Variants in BIRC3 observed in about 807,000 individuals in gnomAD.
BIRC3 encodes baculoviral IAP repeat-containing protein 3.
A neutral mutation model predicts 59.0 loss-of-function variants in BIRC3; 26 were observed. That is an observed-to-expected ratio of 0.44 (90% CI 0.32 to 0.61). The LOEUF (loss-of-function observed/expected upper bound fraction) is 0.61, where lower values mean the gene tolerates loss of function less well. Ranked by LOEUF, BIRC3 falls within the 20% of genes least tolerant of loss-of-function variation. BIRC3 has a pLI of 0.04. For synonymous variants in BIRC3, 243 were observed against 249.2 expected (o/e 0.98, Z 0.24); for missense variants, 641 against 711.5 (o/e 0.90, Z 1.13).
At chr11:102,318,102 A>G (rs574753088) in intron 1 of BIRC3, among the ~76,000 whole-genome samples, 24 of 152,324 alleles carry the variant, frequency 1.6e-4, no homozygotes, top group Admixed American at 5.9e-4. Context: ...CGTAACAATA[A>G]TATTAAATAT....
rs888508432 is a variant in BIRC3, at chr11:102,322,479, G to A, written c.-2031G>A. On this transcript the variant is annotated 5_prime_UTR_variant, in exon 2 of 9. Transcript: ENST00000263464. ...AAGTTTGTTTAAATGGGCTGTTACC[G>A]CTGAGAATGATGAGGATGAGAATGA... 1.1e-4 allele frequency: 22 copies of A among 204,912 alleles called. No homozygotes were observed. The highest frequency in any genetic ancestry group is 3.7e-4 in the African/African-American group (16 of 43,742). 12.7% of individuals were successfully genotyped at this position (204,912 alleles called of 1,614,324 possible).
chr11:102,336,238 AT>A lies in BIRC3; in HGVS notation c.1579+23del. On this transcript the variant is annotated intron_variant, in intron 7 of 8. Coordinates refer to ENST00000263464, the MANE Select transcript of BIRC3 (RefSeq NM_001165.5). Reference sequence around the variant, plus strand: ...TTTATTTGGTGAGTGATAGAAAATTATTTTTAAAAATTTTCTAAGTCAATTG... The same window carrying A: ...TTTATTTGGTGAGTGATAGAAAATTATTTTAAAAATTTTCTAAGTCAATTG... The A allele has an allele frequency of 6.4e-7, 1 of 1,554,954 alleles. No individual in the cohort carries two copies.
In BIRC3 at chr11:102,324,996, C is replaced by A; in HGVS notation, c.487C>A (p.His163Asn). Residue 163 changes from histidine (H) to asparagine (N), a missense_variant, in exon 2 of 9, where the codon CAC (histidine) becomes AAC (asparagine). Around this residue, in one of 4 missense-constraint regions of BIRC3, gnomAD observed 329 missense variants for 365.6 expected, o/e 0.90. Coordinates refer to ENST00000263464, the MANE Select transcript of BIRC3 (RefSeq NM_001165.5). The stretch of plus-strand genomic sequence containing the variant: ...TTCTGCCTTGATGAGAAGTTCCTAC[C>A]ACTGTGCAATGAATAACGAAAATGC... ...DFSALMRSSY[H>N]CAMNNENARL... 6.2e-7 allele frequency: 1 copy of A among 1,614,138 alleles called. No individual in the cohort carries two copies. The highest frequency in any genetic ancestry group is 8.5e-7 in the Non-Finnish European group (1 of 1,180,016).
chr11:102,327,060 G>A (rs930711012), intron 3 of BIRC3, among the ~76,000 whole-genome samples: 8 of 152,040 alleles, frequency 5.3e-5, no homozygotes, highest in Non-Finnish European at 1.2e-4. Context: ...GTAGACTGAG[G>A]GGCTCCTGAC....
intron 6 of BIRC3, among the ~76,000 whole-genome samples, chr11:102,332,554 T>G (rs1204076231): frequency 6.6e-6 from 1 of 152,178 alleles, no homozygotes. Flanking sequence ...CCCCCAATAT[T>G]CATAAAGCTC....
chr11:102,336,849 T>C, intron 8 of BIRC3, 48 bp downstream of exon 8: 1 of 1,587,562 alleles, frequency 6.3e-7, no homozygotes, highest in South Asian at 1.2e-5. Flanking sequence ...GTCTTTATTT[T>C]CTTAGTTTTT....
chr11:102,326,866 GC>G, intron 3 of BIRC3: 1 of 427,748 alleles, frequency 2.3e-6, no homozygotes, highest in Non-Finnish European at 4.7e-6. Flanking sequence ...ACGCTAGCAT[GC>G]CCAGCTAATT....
chr11:102,323,565 T>A lies in BIRC3; in HGVS notation c.-945T>A, dbSNP rs1951052601. The A allele has an allele frequency of 5.3e-6, 1 of 188,698 alleles. No homozygotes were observed. The highest frequency in any genetic ancestry group is 1.1e-5 in the Non-Finnish European group (1 of 89,698). 11.7% of individuals were successfully genotyped at this position (188,698 alleles called of 1,614,324 possible). On this transcript the variant is annotated 5_prime_UTR_variant, in exon 2 of 9. Transcript: ENST00000263464. Reference sequence around the variant, plus strand: ...TTTAATTGTGTAAGATCTAATAGTATCATTATACTTAAGCAATCATATTCC... The same window carrying A: ...TTTAATTGTGTAAGATCTAATAGTAACATTATACTTAAGCAATCATATTCC...
chr11:102,318,772 C>G (rs1951000315), intron 1 of BIRC3, among the ~76,000 whole-genome samples: 1 of 152,110 alleles, frequency 6.6e-6, no homozygotes, highest in African/African-American at 2.4e-5. Context: ...AGAAGAATCC[C>G]AAGAGCTTGG....
chr11:102,317,808 C>T (rs1223001762), intron 1 of BIRC3, among the ~76,000 whole-genome samples: 1 of 152,186 alleles, frequency 6.6e-6, no homozygotes, highest in African/African-American at 2.4e-5. Context: ...TTCTATTTCA[C>T]GTTTGGAGTG....
At chr11:102,319,476 C>G (rs560206435) in intron 1 of BIRC3, among the ~76,000 whole-genome samples, 1 of 152,264 alleles carries the variant, frequency 6.6e-6, no homozygotes, top group East Asian at 1.9e-4. Context: ...GGATTAAGAA[C>G]AAGATTTCTG....
intron 5 of BIRC3, 37 bp from the exon 6 acceptor site, chr11:102,330,962 C>A: frequency 6.6e-7 from 1 of 1,522,290 alleles, no homozygotes; most frequent in South Asian, 1.3e-5. Flanking sequence ...AAATATAAGG[C>A]TATCCTAATA....
intron 6 of BIRC3, among the ~76,000 whole-genome samples, chr11:102,335,220 C>T (rs192128384): frequency 4.6e-5 from 7 of 151,920 alleles, no homozygotes; most frequent in African/African-American, 7.2e-5. Context: ...CCAGCCTGGG[C>T]GACAGAGCAA....
rs1292270745 is a variant in BIRC3, at chr11:102,322,386, A to G, written c.-2124A>G. The G allele has an allele frequency of 4.8e-6, 1 of 207,004 alleles. No homozygotes were observed. The highest frequency in any genetic ancestry group is 9.9e-6 in the Non-Finnish European group (1 of 101,520). 12.8% of individuals were successfully genotyped at this position (207,004 alleles called of 1,614,324 possible). A position where few individuals can be genotyped will look rare whatever the true frequency, so the allele number is the denominator to read the frequency against. On this transcript the variant is annotated 5_prime_UTR_variant, in exon 2 of 9. Transcript: ENST00000263464. ...CAACAAATTTAGAGGAAGTAAAAAG[A>G]TAAATGTGATGATTGGTCAAGAAAT...
At chr11:102,334,557 G>T (rs1951177222) in intron 6 of BIRC3, among the ~76,000 whole-genome samples, 1 of 152,036 alleles carries the variant, frequency 6.6e-6, no homozygotes, top group African/African-American at 2.4e-5. Flanking sequence ...ACTTGACAAA[G>T]TCAGTGTATC....
chr11:102,332,384 T>C (rs1327606518), intron 6 of BIRC3, among the ~76,000 whole-genome samples: 1 of 152,212 alleles, frequency 6.6e-6, no homozygotes, highest in South Asian at 2.1e-4. Context: ...CAAATGTTGA[T>C]TTACAGCTGC....
At chr11:102,318,106 T>A in intron 1 of BIRC3, among the ~76,000 whole-genome samples, 1 of 152,342 alleles carries the variant, frequency 6.6e-6, no homozygotes, top group African/African-American at 2.4e-5. Context: ...ACAATAATAT[T>A]AAATATTGAC....
At chr11:102,336,326 T>C in intron 7 of BIRC3, 106 bp downstream of exon 7, 1 of 1,284,372 alleles carries the variant, frequency 7.8e-7, no homozygotes, top group Non-Finnish European at 1.0e-6. Context: ...ATGTGGTGAC[T>C]CATGCCTGTA....
intron 3 of BIRC3, among the ~76,000 whole-genome samples, chr11:102,325,857 A>G (rs1261310702): frequency 1.3e-5 from 2 of 152,084 alleles, no homozygotes; most frequent in Non-Finnish European, 2.9e-5. Context: ...ACAGAGAAGG[A>G]AAATTAAAAT....
Sources: allele counts gnomAD v4.1 joint callset (sites outside exome capture counted in the v4.1 genomes callset), GRCh38; gene constraint gnomAD v4.1.1; regional missense constraint gnomAD v4.1.1; transcripts MANE v1.5; gene names NCBI Gene and HGNC (gene_info 2026-07-23, HGNC 2026-07-21).